Variants in NDUFAF5 observed in about 807,000 individuals in gnomAD.
The protein encoded by NDUFAF5 is NADH:ubiquinone oxidoreductase complex assembly factor 5.
Under a neutral mutation model 48.9 loss-of-function variants are expected in NDUFAF5, and 34 were observed. That is an observed-to-expected ratio of 0.70 (90% CI 0.53 to 0.93). NDUFAF5 has a LOEUF of 0.93. NDUFAF5 is among the 40% of genes least tolerant of loss of function. The probability of loss-of-function intolerance (pLI) is 0.00; values close to 1 mark genes in which losing one functional copy is unlikely to be tolerated. For missense variants in NDUFAF5, 428 were observed against 427.5 expected (o/e 1.00, Z -0.01); for synonymous variants, 153 against 150.6 (o/e 1.02, Z -0.12).
At chr20:13,786,649 CTG>C (rs1452981367) in intron 1 of NDUFAF5, among the ~76,000 whole-genome samples, 1 of 152,112 alleles carries the variant, frequency 6.6e-6, no homozygotes, top group Non-Finnish European at 1.5e-5. Context: ...AAGAGCAACT[CTG>C]GGGTGTTTAT....
chr20:13,818,358 T>C lies in NDUFAF5; in HGVS notation c.*1148T>C, dbSNP rs2147638326. 1 of 385,468 alleles carries C rather than the reference T, an allele frequency of 2.6e-6. No individual in the cohort carries two copies. The highest frequency in any genetic ancestry group is 5.1e-6 in the Non-Finnish European group (1 of 194,238). 23.9% of individuals were successfully genotyped at this position (385,468 alleles called of 1,614,324 possible). On this transcript the variant is annotated 3_prime_UTR_variant, in exon 11 of 11. Transcript: ENST00000378106. ...CCTTCAGTTTGAAAAATCATCGATA[T>C]TTGAAACTGGGATACGCTTGGTAGC...
chr20:13,794,052 C>G (rs1982773074), intron 4 of NDUFAF5, among the ~76,000 whole-genome samples: 1 of 152,052 alleles, frequency 6.6e-6, no homozygotes, highest in Non-Finnish European at 1.5e-5. Context: ...GATATTAATC[C>G]TTCATTGTAT....
intron 3 of NDUFAF5, among the ~76,000 whole-genome samples, chr20:13,791,417 A>G (rs1299011929): frequency 6.6e-6 from 1 of 152,236 alleles, no homozygotes; most frequent in Non-Finnish European, 1.5e-5. Context: ...CTGTCAAAGG[A>G]GGCTATAGTT....
chr20:13,795,104 C>T (rs1982984659), intron 5 of NDUFAF5, among the ~76,000 whole-genome samples, 163 bp downstream of exon 5: 1 of 152,088 alleles, frequency 6.6e-6, no homozygotes, highest in South Asian at 2.1e-4. Flanking sequence ...ACCAGCCTTG[C>T]CAACATGTTG....
chr20:13,788,741 A>C (rs997446607), intron 3 of NDUFAF5, 89 bp downstream of exon 3: 41 of 831,006 alleles, frequency 4.9e-5, no homozygotes, highest in Non-Finnish European at 7.7e-5. Flanking sequence ...AGCTTGCAAC[A>C]TATTTAGATT....
chr20:13,816,318 T>C (rs1257804356), intron 8 of NDUFAF5, 145 bp from the exon 9 acceptor site: 1 of 713,446 alleles, frequency 1.4e-6, no homozygotes, highest in Non-Finnish European at 2.6e-6. Flanking sequence ...AGTTATAATC[T>C]GAAAGTGAAA....
Position 13,785,099 on chromosome 20 carries a change from T to A in NDUFAF5, c.31T>A (p.Cys11Ser). ...GCGGCCGGCAGGGCTCTGGCGCTTA[T>A]GTCGGCGACCTTGGGCGGCGAGGGT... is the stretch of plus-strand genomic sequence containing the variant. MLRPAGLWRL[C>S]RRPWAARVPA... Residue 11 changes from cysteine (C) to serine (S), a missense_variant, in exon 1 of 11, where the codon TGT becomes AGT. By Grantham distance (112) the Cys-to-Ser change is moderately radical. Coordinates refer to ENST00000378106, the MANE Select transcript of NDUFAF5 (RefSeq NM_024120.5). 1 of 1,613,330 alleles carries A rather than the reference T, an allele frequency of 6.2e-7. No individual in the cohort carries two copies. The highest frequency in any genetic ancestry group is 8.5e-7 in the Non-Finnish European group (1 of 1,179,934).
chr20:13,789,080 C>T (rs377655736), intron 3 of NDUFAF5, among the ~76,000 whole-genome samples: 15 of 152,252 alleles, frequency 9.9e-5, no homozygotes, highest in African/African-American at 3.6e-4. Flanking sequence ...GTATTTTGCA[C>T]TTTATAATTC....
intron 6 of NDUFAF5, among the ~76,000 whole-genome samples, chr20:13,801,250 C>A (rs187535725): frequency 6.6e-6 from 1 of 152,144 alleles, no homozygotes; most frequent in Non-Finnish European, 1.5e-5. Context: ...AAACATACAA[C>A]ATATTTTTAT....
chr20:13,797,304 A>G (rs555151929), intron 5 of NDUFAF5, among the ~76,000 whole-genome samples: 1 of 152,364 alleles, frequency 6.6e-6, no homozygotes, highest in Admixed American at 6.5e-5. Context: ...AAATGTTTAT[A>G]GTAGCCTTAT....
At position 13,818,012 on chromosome 20, in the gene NDUFAF5, T is replaced by G. The variant is rs1219781217; in HGVS notation, c.*802T>G. On this transcript the variant is annotated 3_prime_UTR_variant, in exon 11 of 11. Transcript: ENST00000378106. ...AAGCAGGAGTGAGCGCTAAGTGTTTTGTTTCCAGTTAGCTGTTCGCTGTCT... is the reference window on the plus strand; with the variant it reads ...AAGCAGGAGTGAGCGCTAAGTGTTTGGTTTCCAGTTAGCTGTTCGCTGTCT... 7 of 454,018 alleles carry G rather than the reference T, an allele frequency of 1.5e-5. No individual in the cohort carries two copies. The Admixed American group carries it at 1.6e-4, about 11-fold the overall frequency. 28.1% of individuals were successfully genotyped at this position (454,018 alleles called of 1,614,324 possible).
In NDUFAF5 at chr20:13,818,168, G is replaced by A. The variant is rs1341868834; in HGVS notation, c.*958G>A. The A allele has an allele frequency of 2.2e-6, 1 of 453,916 alleles. No individual in the cohort carries two copies. Among genetic ancestry groups the A allele is most frequent in the East Asian group, 6.9e-5 (1 of 14,404 alleles). The allele number at this position is 453,916 out of a possible 1,614,324, so 28.1% of individuals were successfully genotyped here. On this transcript the variant is annotated 3_prime_UTR_variant, in exon 11 of 11. Coordinates refer to ENST00000378106, the MANE Select transcript of NDUFAF5 (RefSeq NM_024120.5). ...TCCTTTACTGTATTAGCAACAAGCT[G>A]TCCATGGGTGGGGGCTGTGTGTTAG...
In NDUFAF5 at chr20:13,819,955, T is replaced by TA. The variant is rs1244562315; in HGVS notation, c.*2749dup. ...TTCTGGGAGAAAGACTCCTTTGGAA[T>TA]AAAATTCATGAGCTTTATTGGTTCC... is the stretch of plus-strand genomic sequence containing the variant. On this transcript the variant is annotated 3_prime_UTR_variant, in exon 11 of 11. Transcript: ENST00000378106. The TA allele has an allele frequency of 6.6e-6, 1 of 152,164 alleles. No homozygotes were observed. The highest frequency in any genetic ancestry group is 1.5e-5 in the Non-Finnish European group (1 of 68,024). The allele number at this position is 152,164 out of a possible 1,614,324, so 9.4% of individuals were successfully genotyped here.
At chr20:13,815,125 T>C (rs1184114046) in intron 8 of NDUFAF5, among the ~76,000 whole-genome samples, 2 of 152,202 alleles carry the variant, frequency 1.3e-5, no homozygotes, top group East Asian at 3.8e-4. Context: ...AAATTAAATC[T>C]CTTTTCTACT....
At chr20:13,793,740 G>T (rs1027289411) in intron 4 of NDUFAF5, among the ~76,000 whole-genome samples, 8 of 152,130 alleles carry the variant, frequency 5.3e-5, no homozygotes, top group African/African-American at 1.9e-4. Context: ...TTTTCCGTGG[G>T]TATAAATTCC....
At chr20:13,797,828 GA>G (rs1983482092) in intron 5 of NDUFAF5, among the ~76,000 whole-genome samples, 1 of 152,076 alleles carries the variant, frequency 6.6e-6, no homozygotes, top group African/African-American at 2.4e-5. Flanking sequence ...GCATGTGTGG[GA>G]ATAGGAGTAT....
chr20:13,802,671 C>CAAAAAA (rs11472201), intron 7 of NDUFAF5, among the ~76,000 whole-genome samples: 1 of 102,854 alleles, frequency 9.7e-6, no homozygotes, highest in African/African-American at 3.8e-5. Context: ...ATTCCCGTCT[C>CAAAAAA]AAAAAAAAAA....
intron 3 of NDUFAF5, among the ~76,000 whole-genome samples, chr20:13,792,552 A>G (rs758686734): frequency 1.3e-5 from 2 of 152,196 alleles, no homozygotes; most frequent in Admixed American, 6.5e-5. Context: ...ACCAGAAGGT[A>G]CCTAGAGGGA....
intron 8 of NDUFAF5, among the ~76,000 whole-genome samples, chr20:13,814,731 G>A (rs983578684): frequency 2.0e-5 from 3 of 152,120 alleles, no homozygotes; most frequent in African/African-American, 4.8e-5. Context: ...CTTCAGTAGA[G>A]GTCCCCCATG....
Sources: allele counts gnomAD v4.1 joint callset (sites outside exome capture counted in the v4.1 genomes callset), GRCh38; gene constraint gnomAD v4.1.1; transcripts MANE v1.5; gene names NCBI Gene and HGNC (gene_info 2026-07-23, HGNC 2026-07-21).